ACTR8: variants seen among roughly 807,000 people sequenced by gnomAD.
ACTR8 encodes the protein actin-related protein 8.
In ACTR8, 70 loss-of-function variants were observed where a neutral mutation model predicts 84.3. That is an observed-to-expected ratio of 0.83 (90% confidence interval 0.68 to 1.01). ACTR8 has a LOEUF of 1.01. Among genes scored for constraint, ACTR8 ranks in the 50% least tolerant of loss-of-function variants. ACTR8 has a pLI of 0.00. For synonymous variants in ACTR8, 268 were observed against 275.2 expected, an observed-to-expected ratio of 0.97 and a Z score of 0.26; for missense variants, 672 against 775.4, an observed-to-expected ratio of 0.87 and a Z score of 1.58.
chr3:53,879,996 G>C lies in ACTR8; in HGVS notation c.237C>G (p.His79Gln). 6.2e-7 allele frequency: 1 copy of C among 1,614,118 alleles called. No individual in the cohort carries two copies. The highest frequency in any genetic ancestry group is 8.5e-7 in the Non-Finnish European group (1 of 1,179,992). The change falls in exon 2 of 13, where the codon CAC (histidine) becomes CAG (glutamine). Residue 79 changes from histidine (H) to glutamine (Q), a missense_variant. Physicochemically the swap from His to Gln is conservative, Grantham distance 24 (BLOSUM62 0). Coordinates refer to ENST00000335754, the MANE Select transcript of ACTR8 (RefSeq NM_022899.5). ...TGTATAGGGGCTGCCCTTGTTGTTTGTGTCTTCGGGCAATGACGTGAGGAA... is the reference window on the plus strand; with the variant it reads ...TGTATAGGGGCTGCCCTTGTTGTTTCTGTCTTCGGGCAATGACGTGAGGAA... ...ASIPHVIARR[H>Q]KQQGQPLYKD... is the part of the protein sequence containing the mutation.
rs9833359 is a variant in ACTR8 at position 53,873,205 on chromosome 3, A to G, written c.1066-78T>C. 6.2e-4 allele frequency: 695 copies of G among 1,124,476 alleles called. 5 individuals carry two copies. In the African/African-American group the frequency reaches 9.3e-3, roughly 15 times the overall value. The allele number at this position is 1,124,476 out of a possible 1,614,324, so 69.7% of individuals were successfully genotyped here. ...CTTCAAATTATGCTTCAGCCTCACC[A>G]TCATCTAAATATCACCTATAAAAAG... On this transcript the variant is annotated intron_variant, in intron 8 of 12. Coordinates refer to ENST00000335754, the MANE Select transcript of ACTR8 (RefSeq NM_022899.5).
chr3:53,879,292 C>T (rs1700024961), intron 2 of ACTR8, among the ~76,000 whole-genome samples: 1 of 152,138 alleles, frequency 6.6e-6, no homozygotes, highest in Non-Finnish European at 1.5e-5. Flanking sequence ...CTGCTTGTTA[C>T]ACTAAAAAAT....
At chr3:53,881,364 A>G (rs1056828581) in intron 1 of ACTR8, among the ~76,000 whole-genome samples, 6 of 152,190 alleles carry the variant, frequency 3.9e-5, no homozygotes, top group African/African-American at 1.4e-4. Context: ...GTATACATCT[A>G]AGGTCCTCTG....
rs112498580 is a variant in ACTR8 at position 53,868,139 on chromosome 3, C to G, written c.*580G>C. Reference sequence around the variant, plus strand: ...GCCTTCCATCTTTACCTTTGGAAATCGAGACCTGAATGGGTCCCATTCTTT... The same window carrying G: ...GCCTTCCATCTTTACCTTTGGAAATGGAGACCTGAATGGGTCCCATTCTTT... On this transcript the variant is annotated 3_prime_UTR_variant, in exon 13 of 13. Transcript: ENST00000335754. The G allele has an allele frequency of 6.6e-6, 1 of 151,934 alleles. No homozygotes were observed. The highest frequency in any genetic ancestry group is 6.6e-5 in the Admixed American group (1 of 15,250). 9.4% of individuals were successfully genotyped at this position (151,934 alleles called of 1,614,324 possible).
Position 53,880,101 on chromosome 3 carries a change from C to T in ACTR8, c.132G>A (p.Gln44=). The change falls in exon 2 of 13, where the codon CAG becomes CAA. Residue 44 remains glutamine, a synonymous_variant. Transcript: ENST00000335754. ...LVPESLQEQI[Q]SNFIIVIHPG... ...GATGTATGACAATGATGAAGTTGCT[C>T]TGGATTTGCTGCAGATATAAAACAT... 6.2e-7 allele frequency: 1 copy of T among 1,613,410 alleles called. No individual in the cohort carries two copies. Among genetic ancestry groups the T allele is most frequent in the Non-Finnish European group, 8.5e-7 (1 of 1,179,510 alleles).
chr3:53,860,218 G>A, the ACTR8 span: 30 of 1,612,484 alleles, frequency 1.9e-5, no homozygotes, highest in Non-Finnish European at 2.5e-5. Context: ...TCTATCTAAT[G>A]TGGAGGCACG....
chr3:53,876,028 G>A lies in ACTR8; in HGVS notation c.831C>T (p.Ser277=). The change falls in exon 7 of 13, where the codon AGC becomes AGT. Residue 277 remains serine (S), a synonymous_variant. Transcript: ENST00000335754. ...CCCCAACGTCTACAATACACGTGCTGCTTAAGCCACTTCCATAGGTGGCAC... is the reference window on the plus strand; with the variant it reads ...CCCCAACGTCTACAATACACGTGCTACTTAAGCCACTTCCATAGGTGGCAC... ...SVCATYGSGL[S]STCIVDVGDQ... The A allele has an allele frequency of 6.2e-7, 1 of 1,614,040 alleles. No individual in the cohort carries two copies. The highest frequency in any genetic ancestry group is 8.5e-7 in the Non-Finnish European group (1 of 1,180,040).
intron 2 of ACTR8, among the ~76,000 whole-genome samples, chr3:53,878,755 T>C (rs1700013914): frequency 6.6e-6 from 1 of 151,436 alleles, no homozygotes; most frequent in Non-Finnish European, 1.5e-5. Flanking sequence ...GCCCAGGAGG[T>C]GGAAGGTGCA....
rs1451517062 is a variant in ACTR8 at position 53,877,365 on chromosome 3, T to C, written c.533A>G (p.Asp178Gly). Residue 178 changes from aspartate (D) to glycine (G), a missense_variant, in exon 5 of 13, where the codon GAC becomes GGC. Asp to Gly is a moderately conservative substitution (Grantham distance 94). Transcript: ENST00000335754. ...GEEALYVNPL[D>G]CYNIHWPIRR... ...GATAGGCCAGTGAATATTGTAACAG[T>C]CCAGTGGATTAACATACAAGGCCTA... is the stretch of plus-strand genomic sequence containing the variant. 1.2e-6 allele frequency: 2 copies of C among 1,609,998 alleles called. No individual in the cohort carries two copies. Among genetic ancestry groups the C allele is most frequent in the Non-Finnish European group, 1.7e-6 (2 of 1,178,866 alleles).
chr3:53,877,288 C>T lies in ACTR8; in HGVS notation c.610G>A (p.Val204Ile). The T allele has an allele frequency of 6.2e-7, 1 of 1,614,034 alleles. No homozygotes were observed. The highest frequency in any genetic ancestry group is 8.5e-7 in the Non-Finnish European group (1 of 1,179,960). The change falls in exon 5 of 13, where the codon GTT (valine) becomes ATT (isoleucine). Residue 204 changes from valine to isoleucine, a missense_variant. Coordinates refer to ENST00000335754, the MANE Select transcript of ACTR8 (RefSeq NM_022899.5). The stretch of plus-strand genomic sequence containing the variant: ...CATATTACTTCAATATCTGCCAGAA[C>T]AGCTGTAAGAGAGCCCCCAGGGCCT... ...HPGPGGSLTA[V>I]LADIEVIWSH...
chr3:53,874,869 G>T (rs1259912464), intron 7 of ACTR8, among the ~76,000 whole-genome samples: 1 of 152,142 alleles, frequency 6.6e-6, no homozygotes. Flanking sequence ...AACCAGTGGG[G>T]AACACCTACA....
chr3:53,878,274 A>G, intron 3 of ACTR8, 83 bp downstream of exon 3: 2 of 1,028,742 alleles, frequency 1.9e-6, no homozygotes, highest in Non-Finnish European at 3.0e-6. Context: ...TTGTATTTGC[A>G]TAGTGGTATA....
intron 1 of ACTR8, 94 bp from the exon 2 acceptor site, chr3:53,880,203 G>A: frequency 8.0e-7 from 1 of 1,256,570 alleles, no homozygotes; most frequent in Non-Finnish European, 1.1e-6. Flanking sequence ...CTAAGAAGCT[G>A]ACTCAAAGGT....
At chr3:53,865,092 C>T, downstream of ACTR8, 1 of 1,614,120 alleles carries the variant, frequency 6.2e-7, no homozygotes, top group Non-Finnish European at 8.5e-7. Context: ...ACCTTTTCTG[C>T]AGTGATCTAA....
rs969780739 is a variant in ACTR8 at position 53,876,520 on chromosome 3, A to T, written c.778+100T>A. On this transcript the variant is annotated intron_variant, in intron 6 of 12. Transcript: ENST00000335754. ...GGCGACAGAGAGAGACTCTGTCTCA[A>T]ATAAATAAATAAATAAATAAGTCAG... 4 of 669,072 alleles carry T rather than the reference A, an allele frequency of 6.0e-6. No individual in the cohort carries two copies. In the Admixed American group the frequency reaches 1.3e-4, roughly 22 times the overall value. The allele number at this position is 669,072 out of a possible 1,614,324, so 41.4% of individuals were successfully genotyped here.
In ACTR8 at chr3:53,882,009, C is replaced by G. The variant is rs1700073143; in HGVS notation, c.93G>C (p.Val31=). 1.9e-6 allele frequency: 3 copies of G among 1,552,420 alleles called. No homozygotes were observed. The African/African-American group carries it at 4.1e-5, about 21-fold the overall frequency. The change falls in exon 1 of 13, where the codon GTG becomes GTC. Residue 31 remains valine, a synonymous_variant. Transcript: ENST00000335754. ...GCAGCGACTCCGGCACCAGCGCGGG[C>G]ACGATGGGCCGCTTCACGCCGCGCT... ...KEQRGVKRPI[V]PALVPESLQE...
chr3:53,863,521 C>T (rs1699648601), downstream of ACTR8, among the ~76,000 whole-genome samples: 1 of 152,204 alleles, frequency 6.6e-6, no homozygotes, highest in Non-Finnish European at 1.5e-5. Context: ...CACAGGGGCA[C>T]CTGGACCTCA....
At chr3:53,872,636 T>G in intron 9 of ACTR8, 112 bp from the exon 10 acceptor site, 1 of 1,297,802 alleles carries the variant, frequency 7.7e-7, no homozygotes, top group Non-Finnish European at 1.0e-6. Flanking sequence ...TTCCCTAAGT[T>G]AGACTGGGCA....
chr3:53,869,176 G>C (rs909552329), intron 12 of ACTR8, among the ~76,000 whole-genome samples: 3 of 152,198 alleles, frequency 2.0e-5, no homozygotes, highest in Non-Finnish European at 4.4e-5. Context: ...AGCTACTCAG[G>C]AGGCTGAGGC....
Sources: gnomAD v4.1 joint callset for allele counts (sites outside exome capture counted in the v4.1 genomes callset) on GRCh38, gnomAD v4.1.1 for gene constraint, MANE v1.5 for transcripts, NCBI Gene and HGNC (gene_info 2026-07-23, HGNC 2026-07-21) for gene names.